TMED3: variants seen among roughly 807,000 people sequenced by gnomAD.
The protein encoded by TMED3 is transmembrane emp24 domain-containing protein 3.
Under a neutral mutation model 15.0 loss-of-function variants are expected in TMED3, and 9 were observed. The observed-to-expected ratio is 0.60, with a 90% CI of 0.36 to 1.04. The LOEUF is 1.04. Ranked by LOEUF, TMED3 falls within the 50% of genes least tolerant of loss-of-function variation. The pLI is 0.01. For missense variants in TMED3, 267 were observed against 278.9 expected (o/e 0.96, Z 0.30); for synonymous variants, 117 against 121.4 (o/e 0.96, Z 0.24).
intron 2 of TMED3, among the ~76,000 whole-genome samples, chr15:79,399,477 A>G (rs1410231721): frequency 1.3e-5 from 2 of 152,186 alleles, no homozygotes; most frequent in Admixed American, 6.5e-5. Context: ...GCATGGAGAC[A>G]CATAATGTGT....
In TMED3 at chr15:79,368,710, G is replaced by GAGTT. The variant is rs556543428; in HGVS notation, c.418-42685_418-42682dup. 5.3e-5 allele frequency among the ~76,000 whole-genome samples: 8 copies of GAGTT among 152,232 alleles called. No homozygotes were observed. The South Asian group carries it at 1.7e-3, about 32-fold the overall frequency. On this transcript the variant is annotated intron_variant, in intron 2 of 2. Coordinates refer to the TMED3 transcript ENST00000424155. ...TAACTGAGCACCTCCATTTTTTTAAGAGTTAGTTTAATTATTTTTAATCAT... is the reference window on the plus strand; with the variant it reads ...TAACTGAGCACCTCCATTTTTTTAAGAGTTAGTTAGTTTAATTATTTTTAATCAT...
intron 2 of TMED3, among the ~76,000 whole-genome samples, chr15:79,348,350 A>G (rs1014073753): frequency 6.6e-6 from 1 of 152,234 alleles, no homozygotes; most frequent in Non-Finnish European, 1.5e-5. Context: ...TCTTATTGCT[A>G]CATGTTCATG....
At chr15:79,337,010 T>C (rs1239683029) in intron 2 of TMED3, among the ~76,000 whole-genome samples, 1 of 152,200 alleles carries the variant, frequency 6.6e-6, no homozygotes, top group Non-Finnish European at 1.5e-5. Flanking sequence ...GGAACAGGCC[T>C]CACTACTACC....
chr15:79,393,669 G>A (rs968443479), intron 2 of TMED3, among the ~76,000 whole-genome samples: 1 of 152,118 alleles, frequency 6.6e-6, no homozygotes, highest in Non-Finnish European at 1.5e-5. Flanking sequence ...AAATACAGAG[G>A]AGTCCCATTT....
chr15:79,378,175 C>T (rs372894881), intron 2 of TMED3, among the ~76,000 whole-genome samples: 64 of 152,138 alleles, frequency 4.2e-4, no homozygotes, highest in Middle Eastern at 3.4e-3. Context: ...AAAATTCTTC[C>T]GGATTGAATT....
At chr15:79,358,415 G>T (rs1567031934) in intron 2 of TMED3, among the ~76,000 whole-genome samples, 1 of 152,218 alleles carries the variant, frequency 6.6e-6, no homozygotes, top group Non-Finnish European at 1.5e-5. Flanking sequence ...AAATGGTTCA[G>T]GGATGCTGCT....
chr15:79,406,095 G>A (rs1307567031), intron 2 of TMED3, among the ~76,000 whole-genome samples: 3 of 152,120 alleles, frequency 2.0e-5, no homozygotes, highest in Non-Finnish European at 2.9e-5. Context: ...TCGTTTTTGC[G>A]GAAGCCATGT....
chr15:79,311,184 C>T lies in TMED3; in HGVS notation c.-66C>T, dbSNP rs996821361. ...ATCCTCCTAGGACCCGGTCGGTAGT[C>T]GTCGCCCCAGCCCGCCGGGGGCGCA... On this transcript the variant is annotated 5_prime_UTR_variant, in exon 1 of 3. Transcript: ENST00000299705. The T allele has an allele frequency of 2.7e-6, 4 of 1,507,172 alleles. No homozygotes were observed. Among genetic ancestry groups the T allele is most frequent in the South Asian group, 1.3e-5 (1 of 78,840 alleles). 93.4% of individuals were successfully genotyped at this position (1,507,172 alleles called of 1,614,324 possible).
At chr15:79,317,674 C>T (rs929778487) in intron 2 of TMED3, among the ~76,000 whole-genome samples, 3 of 152,172 alleles carry the variant, frequency 2.0e-5, no homozygotes, top group Admixed American at 6.5e-5. Context: ...TACATGTATA[C>T]ACTTATGTGT....
downstream of TMED3, among the ~76,000 whole-genome samples, chr15:79,325,515 C>T (rs1039082726): frequency 1.3e-5 from 2 of 152,096 alleles, no homozygotes; most frequent in African/African-American, 2.4e-5. Context: ...AAAATGAACA[C>T]GTGTATTAGG....
intron 2 of TMED3, among the ~76,000 whole-genome samples, chr15:79,398,406 G>C (rs1331903934): frequency 6.6e-5 from 10 of 151,282 alleles, no homozygotes; most frequent in Non-Finnish European, 1.0e-4. Context: ...CAAGTGATCT[G>C]CCTGCCCCAG....
exon 3 of TMED3, chr15:79,411,569 G>T: frequency 1.4e-6 from 1 of 695,292 alleles, no homozygotes; most frequent in Non-Finnish European, 2.6e-6. Flanking sequence ...CGCTGAAGTG[G>T]GAGGAAGCTG....
chr15:79,314,156 T>G lies in TMED3; in HGVS notation c.417+151T>G, dbSNP rs1184823072. ...GTTTTGTCTCTTTCTTCATACCTAG[T>G]CCTAAAGGATGCCATGCTCTTCTTT... On this transcript the variant is annotated intron_variant, in intron 2 of 2. Coordinates refer to ENST00000299705, the MANE Select transcript of TMED3 (RefSeq NM_007364.4). The G allele has an allele frequency of 5.1e-6, 5 of 982,826 alleles. No homozygotes were observed. In the East Asian group the frequency reaches 1.3e-4, roughly 26 times the overall value. 60.9% of individuals were successfully genotyped at this position (982,826 alleles called of 1,614,324 possible). A position where few individuals can be genotyped will look rare whatever the true frequency, so the allele number is the denominator to read the frequency against.
At chr15:79,360,679 A>G (rs1387012146) in intron 2 of TMED3, among the ~76,000 whole-genome samples, 1 of 142,538 alleles carries the variant, frequency 7.0e-6, no homozygotes, top group Non-Finnish European at 1.5e-5. Context: ...CAGGTGTCCA[A>G]AAGTGATCAG....
At chr15:79,369,701 T>C (rs1187929335) in intron 2 of TMED3, among the ~76,000 whole-genome samples, 1 of 152,246 alleles carries the variant, frequency 6.6e-6, no homozygotes, top group African/African-American at 2.4e-5. Context: ...AGTAGTCTTG[T>C]TTTTGTCTTG....
chr15:79,387,605 CACACACACACACACAT>C (rs879701156), intron 2 of TMED3, among the ~76,000 whole-genome samples: 28 of 151,962 alleles, frequency 1.8e-4, no homozygotes, highest in Non-Finnish European at 3.4e-4. Flanking sequence ...CACACACACA[CACACACACACACACAT>C]ACACACACAC....
intron 2 of TMED3, among the ~76,000 whole-genome samples, chr15:79,316,498 A>G (rs901023487): frequency 1.3e-5 from 2 of 152,220 alleles, no homozygotes; most frequent in Admixed American, 6.5e-5. Flanking sequence ...TGAGTTCTTG[A>G]AGAATTTGAA....
At chr15:79,360,267 C>T (rs868375454) in intron 2 of TMED3, among the ~76,000 whole-genome samples, 35 of 151,960 alleles carry the variant, frequency 2.3e-4, no homozygotes, top group African/African-American at 8.5e-4. Flanking sequence ...GGGGTGGGCT[C>T]CACACAGAAT....
intron 2 of TMED3, among the ~76,000 whole-genome samples, chr15:79,345,371 C>T (rs996439055): frequency 7.2e-5 from 11 of 152,254 alleles, no homozygotes; most frequent in Admixed American, 2.6e-4. Context: ...CATCATTTAG[C>T]TCTCACTTAT....
Sources: gnomAD v4.1 joint callset for allele counts (sites outside exome capture counted in the v4.1 genomes callset) on GRCh38, gnomAD v4.1.1 for gene constraint, MANE v1.5 for transcripts, NCBI Gene and HGNC (gene_info 2026-07-23, HGNC 2026-07-21) for gene names.